Variants in GPC5 observed in about 807,000 individuals in gnomAD.
The protein encoded by GPC5 is glypican-5.
A neutral mutation model predicts 53.9 loss-of-function variants in GPC5; 47 were observed. The ratio of observed to expected loss-of-function variants is 0.87; its 90% CI spans 0.69 to 1.11. The LOEUF (loss-of-function observed/expected upper bound fraction) is 1.11. GPC5 is among the 50% of genes most tolerant of loss of function. GPC5 has a pLI of 0.00. For synonymous variants in GPC5, 286 were observed against 263.3 expected (o/e 1.09, Z -0.84); for missense variants, 748 against 713.1 (o/e 1.05, Z -0.56).
intron 2 of GPC5, among the ~76,000 whole-genome samples, chr13:91,577,622 C>T (rs1459601790): frequency 6.6e-6 from 1 of 152,160 alleles, no homozygotes; most frequent in Non-Finnish European, 1.5e-5. Flanking sequence ...GTTTTCCTTA[C>T]TGTGGCAAGC....
chr13:92,776,882 C>T (rs761251125), intron 7 of GPC5, among the ~76,000 whole-genome samples: 1 of 151,652 alleles, frequency 6.6e-6, no homozygotes, highest in Non-Finnish European at 1.5e-5. Context: ...CTGTGTCCTG[C>T]ACAAAGACTG....
intron 5 of GPC5, among the ~76,000 whole-genome samples, chr13:91,871,451 G>A (rs933579713): frequency 6.6e-6 from 1 of 151,836 alleles, no homozygotes. Flanking sequence ...AAATCCCTGT[G>A]ATGTATGTTT....
intron 6 of GPC5, among the ~76,000 whole-genome samples, chr13:91,945,967 T>C (rs1442531117): frequency 6.6e-6 from 1 of 152,168 alleles, no homozygotes; most frequent in South Asian, 2.1e-4. Flanking sequence ...TCCATCTCCC[T>C]GAAGACTCCT....
chr13:91,660,746 C>A (rs537788765), intron 2 of GPC5, among the ~76,000 whole-genome samples: 1 of 152,268 alleles, frequency 6.6e-6, no homozygotes, highest in Admixed American at 6.5e-5. Flanking sequence ...TAGTATTTCT[C>A]AGAAGGGACC....
intron 5 of GPC5, among the ~76,000 whole-genome samples, chr13:91,854,670 C>T (rs1352897161): frequency 6.6e-6 from 1 of 151,674 alleles, no homozygotes; most frequent in South Asian, 2.1e-4. Flanking sequence ...CAAGCAAGTA[C>T]TCTCTCATCC....
chr13:91,411,200 C>T lies in GPC5; in HGVS notation c.163+11991C>T, dbSNP rs374774526. 9.9e-5 allele frequency among the ~76,000 whole-genome samples: 15 copies of T among 152,278 alleles called. No homozygotes were observed. In the South Asian group the frequency reaches 3.1e-3, roughly 32 times the overall value. On this transcript the variant is annotated intron_variant, in intron 1 of 7. Transcript: ENST00000377067. ...ATTAAGGTAAAGAGGAAGCTACTTT[C>T]CCTGGAAATATAAGATGGTTTTAAG...
At chr13:92,363,394 A>G (rs2043584054) in intron 7 of GPC5, among the ~76,000 whole-genome samples, 1 of 151,628 alleles carries the variant, frequency 6.6e-6, no homozygotes, top group African/African-American at 2.4e-5. Flanking sequence ...GACGGAGGGT[A>G]GAGGGAGGGA....
chr13:91,753,235 A>T (rs915635296), intron 4 of GPC5, among the ~76,000 whole-genome samples: 1 of 152,224 alleles, frequency 6.6e-6, no homozygotes, highest in African/African-American at 2.4e-5. Context: ...CTAGAAAGTG[A>T]TGTGTGCCTT....
At chr13:92,071,577 A>C (rs571393711) in intron 6 of GPC5, among the ~76,000 whole-genome samples, 1 of 151,990 alleles carries the variant, frequency 6.6e-6, no homozygotes. Flanking sequence ...AAATACCAAA[A>C]TATATCATTA....
intron 5 of GPC5, among the ~76,000 whole-genome samples, chr13:91,878,694 C>G (rs1406317491): frequency 1.3e-5 from 2 of 152,114 alleles, no homozygotes; most frequent in Non-Finnish European, 2.9e-5. Context: ...TCTCTTTGCT[C>G]AGCCTGCCAT....
intron 7 of GPC5, among the ~76,000 whole-genome samples, chr13:92,358,847 G>T (rs2043543802): frequency 1.3e-5 from 2 of 151,812 alleles, no homozygotes; most frequent in African/African-American, 4.9e-5. Flanking sequence ...TCCCTCCTAA[G>T]CCTCTGGGCC....
chr13:91,825,378 CAT>C (rs765689543), intron 5 of GPC5, among the ~76,000 whole-genome samples: 9 of 152,070 alleles, frequency 5.9e-5, no homozygotes, highest in Non-Finnish European at 1.3e-4. Flanking sequence ...TGTCTAAGCA[CAT>C]GTTTATGTGT....
intron 5 of GPC5, among the ~76,000 whole-genome samples, chr13:91,803,058 T>C (rs1431292572): frequency 6.6e-6 from 1 of 152,156 alleles, no homozygotes; most frequent in African/African-American, 2.4e-5. Flanking sequence ...CAAAATAATC[T>C]GTTGCAAGTA....
At chr13:92,122,740 CTTT>C (rs3058805) in intron 6 of GPC5, among the ~76,000 whole-genome samples, 25,792 of 66,646 alleles carry the variant, frequency 0.39, 3,514 homozygotes, top group Admixed American at 0.45. Flanking sequence ...ATAGGTCAGT[CTTT>C]TTTTTTTTTT....
At chr13:92,123,231 C>A (rs2041665158) in intron 6 of GPC5, among the ~76,000 whole-genome samples, 1 of 151,850 alleles carries the variant, frequency 6.6e-6, no homozygotes, top group Non-Finnish European at 1.5e-5. Flanking sequence ...ATGTCTAAAC[C>A]CTGTCTCTAC....
intron 2 of GPC5, among the ~76,000 whole-genome samples, chr13:91,552,266 G>T (rs573219364): frequency 2.0e-5 from 3 of 152,052 alleles, no homozygotes; most frequent in African/African-American, 7.2e-5. Flanking sequence ...TATCTTATTT[G>T]AAAAGCTTAG....
At chr13:92,730,740 C>T (rs896791854) in intron 7 of GPC5, among the ~76,000 whole-genome samples, 4 of 151,306 alleles carry the variant, frequency 2.6e-5, no homozygotes, top group Non-Finnish European at 5.9e-5. Context: ...AGAGAAAAGA[C>T]TGCAGATTTA....
chr13:91,443,124 C>T (rs1880552094), intron 1 of GPC5, among the ~76,000 whole-genome samples: 1 of 152,128 alleles, frequency 6.6e-6, no homozygotes, highest in South Asian at 2.1e-4. Flanking sequence ...TCATATTTGG[C>T]CACTGCAAAC....
At chr13:92,250,829 C>G (rs1382811728) in intron 7 of GPC5, among the ~76,000 whole-genome samples, 1 of 151,570 alleles carries the variant, frequency 6.6e-6, no homozygotes. Flanking sequence ...AAAATAAAGC[C>G]TGAGAAGCTT....
Sources: gnomAD v4.1 joint callset for allele counts (sites outside exome capture counted in the v4.1 genomes callset) on GRCh38, gnomAD v4.1.1 for gene constraint, MANE v1.5 for transcripts, NCBI Gene and HGNC (gene_info 2026-07-23, HGNC 2026-07-21) for gene names.